Variants in ZNF114 observed in about 807,000 individuals in gnomAD.
The protein encoded by ZNF114 is zinc finger protein 114 (Y18).
ZNF114 carries 8 observed loss-of-function variants against 6.8 expected under a neutral mutation model. That is an observed-to-expected ratio of 1.18 (90% CI 0.69 to 2.13). The LOEUF (loss-of-function observed/expected upper bound fraction) is 2.13, where lower values mean the gene tolerates loss of function less well. Ranked by LOEUF, ZNF114 falls within the 30% of genes most tolerant of loss-of-function variation. ZNF114 has a pLI of 0.00. For synonymous variants in ZNF114, 169 were observed against 185.5 expected, an observed-to-expected ratio of 0.91 and a Z score of 0.72; for missense variants, 472 against 519.5, an observed-to-expected ratio of 0.91 and a Z score of 0.89.
chr19:48,287,002 C>A lies in ZNF114; in HGVS notation c.*124C>A. The A allele has an allele frequency of 1.9e-6, 2 of 1,056,738 alleles. No homozygotes were observed. The highest frequency in any genetic ancestry group is 2.6e-6 in the Non-Finnish European group (2 of 776,794). The allele number at this position is 1,056,738 out of a possible 1,614,324, so 65.5% of individuals were successfully genotyped here. On this transcript the variant is annotated 3_prime_UTR_variant, in exon 6 of 6. Coordinates refer to ENST00000595607, the MANE Select transcript of ZNF114 (RefSeq NM_153608.4). ...ATCTTCCCTGAACTCTCGTATCTTACAGAAATGTGAAAAAAAACCCTGTGA... is the reference window on the plus strand; with the variant it reads ...ATCTTCCCTGAACTCTCGTATCTTAAAGAAATGTGAAAAAAAACCCTGTGA...
intron 3 of ZNF114, among the ~76,000 whole-genome samples, chr19:48,272,111 C>T (rs1483617848): frequency 2.6e-5 from 4 of 152,162 alleles, no homozygotes; most frequent in African/African-American, 9.6e-5. Flanking sequence ...TCTTTGCATC[C>T]ATGAAAGTAT....
intron 5 of ZNF114, among the ~76,000 whole-genome samples, chr19:48,282,715 AT>A (rs368398619): frequency 1.6e-5 from 2 of 124,120 alleles, no homozygotes; most frequent in South Asian, 5.0e-4. Flanking sequence ...ATTTTATTTT[AT>A]TTTATTTATT....
intron 5 of ZNF114, among the ~76,000 whole-genome samples, chr19:48,283,681 G>A (rs1968048180): frequency 6.6e-6 from 1 of 152,012 alleles, no homozygotes; most frequent in African/African-American, 2.4e-5. Flanking sequence ...TGCCAACCGA[G>A]GAGATGGGAG....
intron 3 of ZNF114, among the ~76,000 whole-genome samples, chr19:48,274,872 C>G (rs1967783409): frequency 6.6e-6 from 1 of 152,114 alleles, no homozygotes; most frequent in South Asian, 2.1e-4. Flanking sequence ...GGCTCACACC[C>G]TCGAACTTGC....
chr19:48,284,771 T>C (rs911516597), intron 5 of ZNF114, among the ~76,000 whole-genome samples: 19 of 152,154 alleles, frequency 1.2e-4, no homozygotes, highest in Non-Finnish European at 2.6e-4. Flanking sequence ...TCTCATATTT[T>C]CATTTTTCCC....
rs1430459850 is a variant in ZNF114 at position 48,274,249 on chromosome 19, CAG to C, written c.-70+2422_-70+2423del. Among the ~76,000 whole-genome samples, 41 of 151,246 alleles carry C rather than the reference CAG, an allele frequency of 2.7e-4. 1 individual carries two copies. The highest frequency in any genetic ancestry group is 9.7e-4 in the African/African-American group (40 of 41,244). On this transcript the variant is annotated intron_variant, in intron 3 of 5. Coordinates refer to ENST00000595607, the MANE Select transcript of ZNF114 (RefSeq NM_153608.4). ...TTTTGAGTCCGCAATTCATTGCTGA[CAG>C]TGTCATGTAAACGTTTAGATTTGTC...
intron 1 of ZNF114, among the ~76,000 whole-genome samples, chr19:48,270,648 G>A (rs1001605865): frequency 7.9e-6 from 1 of 126,186 alleles, no homozygotes; most frequent in Admixed American, 8.4e-5. Flanking sequence ...AAGGGAGAGA[G>A]AGAAAGAAAA....
Position 48,286,969 on chromosome 19 carries a change from G to C in ZNF114, c.*91G>C. ...AAGGGAGCTCAAGGGGTTAGCATGAGTGAGAACATCTTCCCTGAACTCTCG... is the reference window on the plus strand; with the variant it reads ...AAGGGAGCTCAAGGGGTTAGCATGACTGAGAACATCTTCCCTGAACTCTCG... On this transcript the variant is annotated 3_prime_UTR_variant, in exon 6 of 6. Transcript: ENST00000595607. 1 of 1,339,878 alleles carries C rather than the reference G, an allele frequency of 7.5e-7. No homozygotes were observed. Among genetic ancestry groups the C allele is most frequent in the Non-Finnish European group, 1.0e-6 (1 of 999,402 alleles). 83.0% of individuals were successfully genotyped at this position (1,339,878 alleles called of 1,614,324 possible). A position where few individuals can be genotyped will look rare whatever the true frequency, so the allele number is the denominator to read the frequency against.
chr19:48,272,058 G>A (rs951457265), intron 3 of ZNF114, among the ~76,000 whole-genome samples: 1 of 152,222 alleles, frequency 6.6e-6, no homozygotes, highest in African/African-American at 2.4e-5. Flanking sequence ...CCCCGGGCTT[G>A]GGCAGCAGAG....
rs1330052475 is a variant in ZNF114, at chr19:48,277,794, G to GGGGTGTGT, written c.-69-1936_-69-1935insGGTGTGTG. On this transcript the variant is annotated intron_variant, in intron 3 of 5. Coordinates refer to ENST00000595607, the MANE Select transcript of ZNF114 (RefSeq NM_153608.4). ...GAATAGACTGACCAGGGAGGCATTGGGTGTGTGTGTGTGTGTGTGTGTGTG... is the reference window on the plus strand; with the variant it reads ...GAATAGACTGACCAGGGAGGCATTGGGGGTGTGTGTGTGTGTGTGTGTGTGTGTGTGTG... 1.7e-3 allele frequency among the ~76,000 whole-genome samples: 201 copies of GGGGTGTGT among 119,406 alleles called. 3 individuals are homozygous for GGGGTGTGT. Among genetic ancestry groups the GGGGTGTGT allele is most frequent in the South Asian group, 5.9e-3 (19 of 3,216 alleles). 78.3% of individuals were successfully genotyped at this position (119,406 alleles called of 152,430 possible).
chr19:48,278,576 C>T (rs780819672), intron 3 of ZNF114, among the ~76,000 whole-genome samples: 24 of 152,096 alleles, frequency 1.6e-4, no homozygotes, highest in East Asian at 3.9e-4. Flanking sequence ...TTCCATGGTG[C>T]GGATAGACCA....
Position 48,286,504 on chromosome 19 carries a change from C to T in ZNF114, c.880C>T (p.His294Tyr), listed in dbSNP as rs749451171. The change falls in exon 6 of 6, where the codon CAC becomes TAC. Residue 294 changes from histidine to tyrosine, a missense_variant. Coordinates refer to ENST00000595607, the MANE Select transcript of ZNF114 (RefSeq NM_153608.4). ...TGCCAACGCTCCAAATTCCGGTTCA[C>T]ACAAGAGTCATTGCACTGGAGAGAA... ...TSANAPNSGS[H>Y]KSHCTGEKTH... is the part of the protein sequence containing the mutation. The T allele has an allele frequency of 3.7e-6, 6 of 1,614,080 alleles. No individual in the cohort carries two copies. The highest frequency in any genetic ancestry group is 5.1e-6 in the Non-Finnish European group (6 of 1,180,050).
chr19:48,286,354 C>T lies in ZNF114; in HGVS notation c.730C>T (p.Arg244Ter), dbSNP rs752479123. The change falls in exon 6 of 6, where the codon CGA (arginine) becomes TGA (stop). Residue 244 changes from arginine to a stop codon, truncating the protein, a stop_gained. Transcript: ENST00000595607. LOFTEE classifies it low-confidence loss of function (END_TRUNC). ...GSLRAHNTHG[R>*]EKMYDFTQCE... Reference sequence around the variant, plus strand: ...CCTTAGGGCACACAACACTCATGGTCGAGAGAAAATGTATGATTTTACTCA... The same window carrying T: ...CCTTAGGGCACACAACACTCATGGTTGAGAGAAAATGTATGATTTTACTCA... 54 of 1,613,926 alleles carry T rather than the reference C, an allele frequency of 3.3e-5. No individual in the cohort carries two copies. The highest frequency in any genetic ancestry group is 8.0e-5 in the African/African-American group (6 of 74,870).
rs1968089355 is a variant in ZNF114 at position 48,285,406 on chromosome 19, G to C, written c.137-355G>C. Among the ~76,000 whole-genome samples, 3 of 152,164 alleles carry C rather than the reference G, an allele frequency of 2.0e-5. No homozygotes were observed. The South Asian group carries it at 6.2e-4, about 32-fold the overall frequency. ...TCAGCTACTCAGGAAGCTGAGGCCAGAGAATTGCTTGAACCTGGGAGGCGG... is the reference window on the plus strand; with the variant it reads ...TCAGCTACTCAGGAAGCTGAGGCCACAGAATTGCTTGAACCTGGGAGGCGG... On this transcript the variant is annotated intron_variant, in intron 5 of 5. Coordinates refer to ENST00000595607, the MANE Select transcript of ZNF114 (RefSeq NM_153608.4).
chr19:48,277,627 ATCC>A (rs997140612), intron 3 of ZNF114, among the ~76,000 whole-genome samples: 7 of 152,164 alleles, frequency 4.6e-5, no homozygotes, highest in African/African-American at 1.7e-4. Flanking sequence ...GCCGCTGTGC[ATCC>A]TCCTAACGCG....
In ZNF114 at chr19:48,286,188, G is replaced by A. The variant is rs151202823; in HGVS notation, c.564G>A (p.Pro188=). ...GVLGWNIQWV[P]CGRKTELKSS... ...TGGGGTGGAACATTCAGTGGGTTCC[G>A]TGTGGGAGAAAAACAGAGCTGAAAT... Residue 188 remains proline (P), a synonymous_variant, in exon 6 of 6, where the codon CCG becomes CCA. Coordinates refer to ENST00000595607, the MANE Select transcript of ZNF114 (RefSeq NM_153608.4). 4.7e-5 allele frequency: 76 copies of A among 1,614,184 alleles called. No homozygotes were observed. The African/African-American group carries it at 7.5e-4, about 16-fold the overall frequency.
chr19:48,286,589 A>G lies in ZNF114; in HGVS notation c.965A>G (p.His322Arg). The part of the protein sequence containing the change: ...AFFYQSFLMR[H>R]MKIHTGEKPY... ...TTTTATCAGTCATTCCTTATGAGACATATGAAAATTCACACTGGAGAGAAA... is the reference window on the plus strand; with the variant it reads ...TTTTATCAGTCATTCCTTATGAGACGTATGAAAATTCACACTGGAGAGAAA... Residue 322 changes from histidine to arginine, a missense_variant, in exon 6 of 6, where the codon CAT becomes CGT. His to Arg is a conservative substitution (Grantham distance 29). Coordinates refer to ENST00000595607, the MANE Select transcript of ZNF114 (RefSeq NM_153608.4). The G allele has an allele frequency of 1.2e-6, 2 of 1,614,140 alleles. No homozygotes were observed. The highest frequency in any genetic ancestry group is 4.5e-5 in the East Asian group (2 of 44,894).
chr19:48,282,277 A>C, intron 4 of ZNF114, 94 bp from the exon 5 acceptor site: 6 of 1,546,100 alleles, frequency 3.9e-6, no homozygotes, highest in Non-Finnish European at 5.3e-6. Context: ...CCAAGGGTTA[A>C]GACCTCAACC....
chr19:48,279,342 G>T (rs12984916), intron 3 of ZNF114, among the ~76,000 whole-genome samples: 5,956 of 147,514 alleles, frequency 0.04, 217 homozygotes, highest in Middle Eastern at 0.14. Flanking sequence ...AGGCTGTAGT[G>T]AGCCATGATT....
Sources: gnomAD v4.1 joint callset for allele counts (sites outside exome capture counted in the v4.1 genomes callset) on GRCh38, gnomAD v4.1.1 for gene constraint, MANE v1.5 for transcripts, NCBI Gene and HGNC (gene_info 2026-07-23, HGNC 2026-07-21) for gene names.